The following SLC24A2 variants were observed in gnomAD, a reference collection of about 807,000 sequenced individuals.
The protein encoded by SLC24A2 is sodium/potassium/calcium exchanger 2.
A neutral mutation model predicts 62.0 loss-of-function variants in SLC24A2; 36 were observed. That is an observed-to-expected ratio of 0.58 (90% CI 0.44 to 0.77). SLC24A2 has a LOEUF of 0.77. Among genes scored for constraint, SLC24A2 ranks in the 30% least tolerant of loss-of-function variants. The pLI, the probability that SLC24A2 is intolerant of heterozygous loss-of-function variation, is 0.00. For missense variants in SLC24A2, 846 were observed against 817.9 expected, an observed-to-expected ratio of 1.03 and a Z score of -0.42; for synonymous variants, 358 against 294.0, an observed-to-expected ratio of 1.22 and a Z score of -2.23.
chr9:19,518,415 C>A (rs1233086511), intron 10 of SLC24A2, among the ~76,000 whole-genome samples: 1 of 149,672 alleles, frequency 6.7e-6, no homozygotes, highest in African/African-American at 2.5e-5. Flanking sequence ...CTTTCTTTTT[C>A]TTTTCTTTTC....
chr9:20,122,545 G>T, the SLC24A2 span, among the ~76,000 whole-genome samples: 1 of 152,190 alleles, frequency 6.6e-6, no homozygotes, highest in African/African-American at 2.4e-5. Flanking sequence ...AAAATTAGCT[G>T]GGCATGGTGG....
chr9:20,080,220 C>G, the SLC24A2 span, among the ~76,000 whole-genome samples: 3 of 152,242 alleles, frequency 2.0e-5, no homozygotes, highest in Admixed American at 2.0e-4. Context: ...TACCTGACTT[C>G]AAACTATACT....
At chr9:19,792,404 G>A (rs1424509433), upstream of SLC24A2, among the ~76,000 whole-genome samples, 1 of 152,018 alleles carries the variant, frequency 6.6e-6, no homozygotes, top group Non-Finnish European at 1.5e-5. Flanking sequence ...AGAGATGGTT[G>A]AGGGCCAGGT....
At chr9:19,617,365 C>T (rs1040071486) in intron 4 of SLC24A2, among the ~76,000 whole-genome samples, 11 of 152,298 alleles carry the variant, frequency 7.2e-5, no homozygotes, top group African/African-American at 1.9e-4. Context: ...ATTTGGCTCA[C>T]GTCCCACCCT....
the SLC24A2 span, among the ~76,000 whole-genome samples, chr9:20,121,066 C>A: frequency 1.3e-5 from 2 of 148,486 alleles, no homozygotes; most frequent in Non-Finnish European, 3.0e-5. Context: ...TCCTCCCCAA[C>A]TTTGTTGTTC....
At chr9:20,026,683 A>G in the SLC24A2 span, among the ~76,000 whole-genome samples, 6 of 152,214 alleles carry the variant, frequency 3.9e-5, no homozygotes, top group Admixed American at 6.5e-5. Flanking sequence ...CTCAAAATGA[A>G]TGAAAGACTT....
At chr9:20,062,747 C>A in the SLC24A2 span, among the ~76,000 whole-genome samples, 1 of 124,186 alleles carries the variant, frequency 8.1e-6, no homozygotes, top group Admixed American at 9.5e-5. Flanking sequence ...ACTCATCTGA[C>A]AAAGGGCTAA....
At chr9:19,590,210 C>T (rs768798610) in intron 5 of SLC24A2, among the ~76,000 whole-genome samples, 2 of 152,158 alleles carry the variant, frequency 1.3e-5, no homozygotes, top group Admixed American at 1.3e-4. Context: ...TAACTACATG[C>T]TACATCCTCG....
At chr9:20,057,665 T>C in the SLC24A2 span, among the ~76,000 whole-genome samples, 2 of 152,252 alleles carry the variant, frequency 1.3e-5, no homozygotes, top group Non-Finnish European at 2.9e-5. Flanking sequence ...AAAATTTACA[T>C]ATGTGCAATC....
At chr9:20,252,736 T>A in the SLC24A2 span, among the ~76,000 whole-genome samples, 2 of 152,244 alleles carry the variant, frequency 1.3e-5, no homozygotes, top group Non-Finnish European at 1.5e-5. Flanking sequence ...GTTGTTGTTG[T>A]CTTTTCCCCT....
chr9:19,845,870 G>T, the SLC24A2 span, among the ~76,000 whole-genome samples: 1 of 151,938 alleles, frequency 6.6e-6, no homozygotes, highest in Non-Finnish European at 1.5e-5. Context: ...GGAGCAAGTT[G>T]TTTAATTTCC....
chr9:19,798,041 G>A, the SLC24A2 span, among the ~76,000 whole-genome samples: 9 of 152,182 alleles, frequency 5.9e-5, no homozygotes, highest in East Asian at 1.9e-4. Flanking sequence ...TTGTATGGGC[G>A]AGTTCTTTCC....
chr9:19,910,964 T>A, the SLC24A2 span, among the ~76,000 whole-genome samples: 1 of 151,650 alleles, frequency 6.6e-6, no homozygotes, highest in East Asian at 1.9e-4. Context: ...ATGTGCACAA[T>A]GTGCAGGTTA....
the SLC24A2 span, among the ~76,000 whole-genome samples, chr9:19,908,094 G>C: frequency 1.3e-5 from 2 of 152,150 alleles, no homozygotes; most frequent in African/African-American, 2.4e-5. Context: ...ATACTACAAG[G>C]CTACAGTCAC....
At chr9:19,873,554 C>CTTTCTTTCTTTCTTTCTTTCTTTCTG in the SLC24A2 span, among the ~76,000 whole-genome samples, 1 of 136,852 alleles carries the variant, frequency 7.3e-6, no homozygotes, top group South Asian at 2.2e-4. Flanking sequence ...TTCTTTCTTT[C>CTTTCTTTCTTTCTTTCTTTCTTTCTG]TCTCTCTCTC....
In SLC24A2 at chr9:19,638,109, T is replaced by A. The variant is rs568651329; in HGVS notation, c.931-15810A>T. 8.5e-5 allele frequency among the ~76,000 whole-genome samples: 13 copies of A among 152,294 alleles called. No homozygotes were observed. The South Asian group carries it at 2.7e-3, about 32-fold the overall frequency. ...AGAGAGGCTCAGTAAGAAGAGTAAA[T>A]AGCCCAAGGCCTCAGATGCAATACC... On this transcript the variant is annotated intron_variant, in intron 2 of 10. Transcript: ENST00000341998.
chr9:20,076,379 C>T, the SLC24A2 span, among the ~76,000 whole-genome samples: 3 of 152,140 alleles, frequency 2.0e-5, no homozygotes, highest in East Asian at 1.9e-4. Flanking sequence ...TGGTGTGATG[C>T]TTTTCCTACT....
the SLC24A2 span, among the ~76,000 whole-genome samples, chr9:19,998,389 G>A: frequency 2.6e-5 from 4 of 152,106 alleles, no homozygotes; most frequent in Non-Finnish European, 4.4e-5. Context: ...ATTCACTTCC[G>A]GGTCACCTCT....
chr9:19,602,447 C>T (rs1260603248), intron 4 of SLC24A2, among the ~76,000 whole-genome samples: 1 of 152,100 alleles, frequency 6.6e-6, no homozygotes, highest in African/African-American at 2.4e-5. Context: ...AAAATAATGA[C>T]CAATGATGTC....
Sources: allele counts gnomAD v4.1 joint callset (sites outside exome capture counted in the v4.1 genomes callset), GRCh38; gene constraint gnomAD v4.1.1; transcripts MANE v1.5; gene names NCBI Gene and HGNC (gene_info 2026-07-23, HGNC 2026-07-21).